Variants in TGS1 observed in about 807,000 individuals in gnomAD.
TGS1 encodes the protein trimethylguanosine synthase 1, also known as trimethylguanosine synthase.
Under a neutral mutation model 92.2 loss-of-function variants are expected in TGS1, and 69 were observed. That is an observed-to-expected ratio of 0.75 (90% confidence interval 0.62 to 0.91). The LOEUF is 0.91. Among genes scored for constraint, TGS1 ranks in the 40% least tolerant of loss-of-function variants. The probability of loss-of-function intolerance (pLI) is 0.00; values close to 1 mark genes in which losing one functional copy is unlikely to be tolerated. For missense variants in TGS1, 1,062 were observed against 1,001.2 expected (o/e 1.06, Z -0.82); for synonymous variants, 345 against 338.1 (o/e 1.02, Z -0.22).
intron 2 of TGS1, among the ~76,000 whole-genome samples, chr8:55,784,673 C>T (rs549426272): frequency 2.0e-4 from 30 of 152,288 alleles, no homozygotes; most frequent in African/African-American, 5.1e-4. Context: ...CACAGAATCC[C>T]GGAACCTAAA....
chr8:55,782,274 C>T (rs889941853), intron 1 of TGS1, among the ~76,000 whole-genome samples: 3 of 152,008 alleles, frequency 2.0e-5, no homozygotes, highest in South Asian at 4.1e-4. Context: ...CTCTGTCTCC[C>T]GGATTTAAGC....
intron 6 of TGS1, 144 bp downstream of exon 6, chr8:55,792,928 A>G (rs1004162650): frequency 1.6e-6 from 1 of 611,926 alleles, no homozygotes; most frequent in Admixed American, 2.6e-5. Context: ...TGTGGTAGAG[A>G]TATCCCTGTA....
Position 55,796,163 on chromosome 8 carries a change from A to G in TGS1, c.1542+11A>G, listed in dbSNP as rs925172113. On this transcript the variant is annotated intron_variant, in intron 7 of 12. Transcript: ENST00000260129. ...AAAATTCTGAGTAAGGTATGTATAA[A>G]TTTTGTTGCATATTTGTAGATAGAA... 1 of 1,583,326 alleles carries G rather than the reference A, an allele frequency of 6.3e-7. No individual in the cohort carries two copies. Among genetic ancestry groups the G allele is most frequent in the African/African-American group, 1.4e-5 (1 of 73,796 alleles).
At chr8:55,806,443 A>G (rs1005721162) in intron 10 of TGS1, among the ~76,000 whole-genome samples, 7 of 148,680 alleles carry the variant, frequency 4.7e-5, no homozygotes, top group African/African-American at 1.7e-4. Flanking sequence ...TTTCCTTATG[A>G]TTTACTTAGT....
chr8:55,791,357 A>G lies in TGS1; in HGVS notation c.1280+1058A>G, dbSNP rs557126895. Among the ~76,000 whole-genome samples the G allele has an allele frequency of 7.9e-5, 12 of 152,352 alleles. No homozygotes were observed. The South Asian group carries it at 2.3e-3, about 29-fold the overall frequency. ...GCCAAAGCATCACACAAAGACAGAT[A>G]GCTGCTTATACAGGAACATGTGCCT... On this transcript the variant is annotated intron_variant, in intron 5 of 12. Coordinates refer to ENST00000260129, the MANE Select transcript of TGS1 (RefSeq NM_024831.8).
intron 11 of TGS1, 23 bp from the exon 12 acceptor site, chr8:55,813,017 A>G: frequency 6.6e-7 from 1 of 1,522,926 alleles, no homozygotes; most frequent in Non-Finnish European, 9.1e-7. Context: ...TGTTTTCATT[A>G]TTTTTCCTTA....
At position 55,804,956 on chromosome 8, in the gene TGS1, C is replaced by A; in HGVS notation, c.2063C>A (p.Ser688Tyr). The change falls in exon 10 of 13, where the codon TCC becomes TAC. Residue 688 changes from serine to tyrosine, a missense_variant. By Grantham distance (144) the Ser-to-Tyr change is moderately radical. Coordinates refer to ENST00000260129, the MANE Select transcript of TGS1 (RefSeq NM_024831.8). ...CACATTGCTGGCCGTGTTAGTCAGT[C>A]CTTCAAGTGTGACGTTGTAGTAGAC... ...AEHIAGRVSQSFKCDVVVDAF... is the reference protein window; with the variant it reads ...AEHIAGRVSQYFKCDVVVDAF... The A allele has an allele frequency of 6.2e-7, 1 of 1,613,966 alleles. No homozygotes were observed. Among genetic ancestry groups the A allele is most frequent in the Non-Finnish European group, 8.5e-7 (1 of 1,179,936 alleles).
intron 12 of TGS1, among the ~76,000 whole-genome samples, chr8:55,823,060 A>G (rs924938571): frequency 6.6e-6 from 1 of 152,106 alleles, no homozygotes; most frequent in South Asian, 2.1e-4. Context: ...TGTGTCTTCT[A>G]TTCTCTGATT....
In TGS1 at chr8:55,773,683, G is replaced by T. The variant is rs140849025; in HGVS notation, c.65G>T (p.Cys22Phe). The change falls in exon 1 of 13, where the codon TGT becomes TTT. Residue 22 changes from cysteine (C) to phenylalanine (F), a missense_variant. Transcript: ENST00000260129. Reference protein sequence around the residue: ...MFLFIEEREDCKILCLCSRAF... With the variant: ...MFLFIEEREDFKILCLCSRAF... ...CTCTTCATTGAGGAGCGGGAGGATTGTAAGATACTGTGCCTTTGCTCCAGG... is the reference window on the plus strand; with the variant it reads ...CTCTTCATTGAGGAGCGGGAGGATTTTAAGATACTGTGCCTTTGCTCCAGG... The T allele has an allele frequency of 3.8e-5, 62 of 1,611,610 alleles. No homozygotes were observed. Among genetic ancestry groups the T allele is most frequent in the African/African-American group, 2.1e-4 (16 of 74,870 alleles).
rs1803325977 is a variant in TGS1, at chr8:55,811,044, A to G, written c.2307A>G (p.Pro769=). The change falls in exon 11 of 13, where the codon CCA becomes CCG. Residue 769 remains proline, a synonymous_variant. Coordinates refer to ENST00000260129, the MANE Select transcript of TGS1 (RefSeq NM_024831.8). Reference sequence around the variant, plus strand: ...TCCTCAGCCCACCTTGGGGAGGGCCAGACTATGCCACTGCAGAGACCTTTG... The same window carrying G: ...TCCTCAGCCCACCTTGGGGAGGGCCGGACTATGCCACTGCAGAGACCTTTG... ...VVFLSPPWGG[P]DYATAETFDI... is the part of the protein sequence containing the mutation. 16 of 1,614,194 alleles carry G rather than the reference A, an allele frequency of 9.9e-6. No homozygotes were observed. The highest frequency in any genetic ancestry group is 1.4e-5 in the Non-Finnish European group (16 of 1,180,036).
intron 11 of TGS1, among the ~76,000 whole-genome samples, chr8:55,812,145 T>C (rs76496838): frequency 1.0e-3 from 157 of 152,278 alleles, no homozygotes; most frequent in Non-Finnish European, 1.6e-3. Flanking sequence ...GAGTAACGTT[T>C]GTTATTTGTC....
In TGS1 at chr8:55,773,608, G is replaced by A. The variant is rs1811280620; in HGVS notation, c.-11G>A. 2 of 1,606,988 alleles carry A rather than the reference G, an allele frequency of 1.2e-6. No individual in the cohort carries two copies. Among genetic ancestry groups the A allele is most frequent in the Non-Finnish European group, 1.7e-6 (2 of 1,176,924 alleles). ...GGCTGCGTACGTCAGAGCTGCCTCC[G>A]AAGTGGTAAAATGTGCTGCGAGAAG... On this transcript the variant is annotated 5_prime_UTR_variant, in exon 1 of 13. Coordinates refer to ENST00000260129, the MANE Select transcript of TGS1 (RefSeq NM_024831.8).
At chr8:55,782,651 G>C (rs749775858) in intron 1 of TGS1, 97 bp from the exon 2 acceptor site, 1 of 901,826 alleles carries the variant, frequency 1.1e-6, no homozygotes, top group Non-Finnish European at 1.7e-6. Context: ...TGTTTCATAA[G>C]CTTTTTATTA....
At chr8:55,782,146 CTTTA>C (rs201552456) in intron 1 of TGS1, among the ~76,000 whole-genome samples, 12,290 of 150,000 alleles carry the variant, frequency 0.082, 728 homozygotes, top group East Asian at 0.12. Context: ...AGAACTTACA[CTTTA>C]TTTATTTATT....
At chr8:55,811,348 GC>G (rs1803336172) in intron 11 of TGS1, among the ~76,000 whole-genome samples, 1 of 151,378 alleles carries the variant, frequency 6.6e-6, no homozygotes, top group Non-Finnish European at 1.5e-5. Flanking sequence ...CTGTAATCCA[GC>G]TACTCGGGAG....
intron 1 of TGS1, among the ~76,000 whole-genome samples, chr8:55,779,153 C>CT (rs2130102829): frequency 6.6e-6 from 1 of 152,304 alleles, no homozygotes; most frequent in South Asian, 2.1e-4. Flanking sequence ...TTAAGGTACA[C>CT]TAATCAAACT....
At position 55,773,511 on chromosome 8, in the gene TGS1, C is replaced by T. The variant is rs1811275099; in HGVS notation, c.-108C>T. 7.8e-6 allele frequency: 6 copies of T among 771,996 alleles called. No homozygotes were observed. The highest frequency in any genetic ancestry group is 3.1e-5 in the Admixed American group (1 of 31,860). 47.8% of individuals were successfully genotyped at this position (771,996 alleles called of 1,614,324 possible). ...GGCCGCGGGCCAGTTTCTATCTCCT[C>T]ATCCAGGGCTTGCGGGCGAGGCCTG... On this transcript the variant is annotated 5_prime_UTR_variant, in exon 1 of 13. Transcript: ENST00000260129.
Position 55,787,861 on chromosome 8 carries a change from G to A in TGS1, c.1162+801G>A, listed in dbSNP as rs141903803. On this transcript the variant is annotated intron_variant, in intron 4 of 12. Transcript: ENST00000260129. ...TTCCAATTATGGCAGAAGGTGAAAG[G>A]GGCATAGGCATGCCACATGGCAAGA... 4.5e-4 allele frequency among the ~76,000 whole-genome samples: 69 copies of A among 152,310 alleles called. No individual in the cohort carries two copies. The East Asian group carries it at 8.9e-3, about 20-fold the overall frequency.
intron 12 of TGS1, among the ~76,000 whole-genome samples, chr8:55,815,204 G>A (rs1344644717): frequency 6.6e-6 from 1 of 151,900 alleles, no homozygotes; most frequent in African/African-American, 2.4e-5. Context: ...TGTGTTTTTG[G>A]TTTATTTCAA....
Sources: gnomAD v4.1 joint callset for allele counts (sites outside exome capture counted in the v4.1 genomes callset) on GRCh38, gnomAD v4.1.1 for gene constraint, MANE v1.5 for transcripts, NCBI Gene and HGNC (gene_info 2026-07-23, HGNC 2026-07-21) for gene names.